The following KMT2C variants were observed in gnomAD, a reference collection of about 807,000 sequenced individuals.
KMT2C encodes histone-lysine N-methyltransferase 2C.
Under a neutral mutation model 507.9 loss-of-function variants are expected in KMT2C, and 88 were observed. The observed-to-expected ratio is 0.17, with a 90% CI of 0.15 to 0.21. The LOEUF is 0.21. KMT2C is among the 10% of genes least tolerant of loss of function. The pLI, the probability that KMT2C is intolerant of heterozygous loss-of-function variation, is 1.00. For missense variants in KMT2C, 4,954 were observed against 5,957.8 expected, an observed-to-expected ratio of 0.83 and a Z score of 5.55; for synonymous variants, 2,049 against 2,080.8, an observed-to-expected ratio of 0.98 and a Z score of 0.42.
chr7:152,226,146 C>T (rs2094922837), intron 18 of KMT2C, among the ~76,000 whole-genome samples: 1 of 150,814 alleles, frequency 6.6e-6, no homozygotes, highest in African/African-American at 2.4e-5. Flanking sequence ...AAAAAAAGAC[C>T]TGAAAAGATT....
At chr7:152,183,719 A>T (rs2093515029) in intron 34 of KMT2C, among the ~76,000 whole-genome samples, 1 of 152,112 alleles carries the variant, frequency 6.6e-6, no homozygotes, top group African/African-American at 2.4e-5. Flanking sequence ...CAACATGGAG[A>T]CACCCCATCT....
At chr7:152,403,715 TACACACACACACACACACACACAC>T (rs36191060) in intron 1 of KMT2C, among the ~76,000 whole-genome samples, 1 of 145,774 alleles carries the variant, frequency 6.9e-6, no homozygotes. Flanking sequence ...CTGGGACACA[TACACACACACACACACACACACAC>T]ACACACACAC....
chr7:152,144,350 G>A lies in KMT2C; in HGVS notation c.14343+363C>T, dbSNP rs2090901710. Among the ~76,000 whole-genome samples the A allele has an allele frequency of 6.6e-6, 1 of 152,176 alleles. No individual in the cohort carries two copies. Among genetic ancestry groups the A allele is most frequent in the African/African-American group, 2.4e-5 (1 of 41,448 alleles). ...AAAGATAAGGTAACTTCCAAAATTG[G>A]TGTACCTTTGGAAAATATTTTCATT... On this transcript the variant is annotated intron_variant, in intron 55 of 58. Transcript: ENST00000262189. This position sits in a 1 kb window ranked among gnomAD's most constrained non-coding sequence, Gnocchi z 4.4.
intron 1 of KMT2C, among the ~76,000 whole-genome samples, chr7:152,418,931 T>C (rs934009982): frequency 2.6e-5 from 4 of 151,154 alleles, no homozygotes; most frequent in Admixed American, 2.6e-4. Context: ...TGGTAGCTGA[T>C]GTCTATAATT....
At position 152,214,383 on chromosome 7, in the gene KMT2C, G is replaced by T. The variant is rs140557548; in HGVS notation, c.3712+6140C>A. 7.8e-3 allele frequency among the ~76,000 whole-genome samples: 1,185 copies of T among 152,272 alleles called. 13 individuals are homozygous for T. The highest frequency in any genetic ancestry group is 0.028 in the African/African-American group (1,144 of 41,552). Reference sequence around the variant, plus strand: ...TGAATGGATAAAGAAATTGTGACGTGTGTATACACATATATTAAGTCCTCC... The same window carrying T: ...TGAATGGATAAAGAAATTGTGACGTTTGTATACACATATATTAAGTCCTCC... On this transcript the variant is annotated intron_variant, in intron 23 of 58. Transcript: ENST00000262189.
intron 9 of KMT2C, among the ~76,000 whole-genome samples, chr7:152,254,730 T>C (rs1475783733): frequency 6.6e-6 from 1 of 151,936 alleles, no homozygotes; most frequent in Non-Finnish European, 1.5e-5. Context: ...AATGCAAGCA[T>C]TGAAACAAAT....
chr7:152,433,698 A>C lies in KMT2C; in HGVS notation c.161+1928T>G, dbSNP rs185025441. On this transcript the variant is annotated intron_variant, in intron 1 of 58. Coordinates refer to ENST00000262189, the MANE Select transcript of KMT2C (RefSeq NM_170606.3). ...TTAGATTATACTGTTATTCAGCAGA[A>C]ATTTTTTATCTTCTCCAAAGGCTGC... 7.8e-3 allele frequency among the ~76,000 whole-genome samples: 1,184 copies of C among 152,384 alleles called. 14 individuals are homozygous for C. The highest frequency in any genetic ancestry group is 0.027 in the African/African-American group (1,138 of 41,592).
rs776192339 is a variant in KMT2C, at chr7:152,182,348, G to A, written c.5512C>T (p.Pro1838Ser). The A allele has an allele frequency of 5.9e-5, 95 of 1,613,754 alleles. 1 individual carries two copies. The East Asian group carries it at 1.9e-3, about 32-fold the overall frequency. Residue 1838 changes from proline (P) to serine (S), a missense_variant, in exon 36 of 59, where the codon CCT becomes TCT. This residue lies in a region of KMT2C where 1,689 missense variants were observed against 1,654.3 expected (regional missense o/e 1.02). Transcript: ENST00000262189. ...ELFTKQPPST[P>S]TSTSSDDVFV... ...ACATCATCTGAAGATGTAGACGTAG[G>A]GGTACTGGGTGGCTGTTTTGTAAAC...
At chr7:152,151,307 G>T in intron 50 of KMT2C, 135 bp downstream of exon 50, 2 of 867,582 alleles carry the variant, frequency 2.3e-6, no homozygotes, top group African/African-American at 1.7e-5. Flanking sequence ...TCTGATATAC[G>T]CTGGTGCCAT....
chr7:152,250,939 C>T lies in KMT2C; in HGVS notation c.1649G>A (p.Gly550Asp), dbSNP rs752566770. 2 of 1,602,178 alleles carry T rather than the reference C, an allele frequency of 1.2e-6. No homozygotes were observed. The highest frequency in any genetic ancestry group is 1.7e-5 in the Admixed American group (1 of 59,942). Reference sequence around the variant, plus strand: ...TGAGAATACCATTTGATCTTCAGGGCCTTCAACTTCCATTTCATTGTTATA... The same window carrying T: ...TGAGAATACCATTTGATCTTCAGGGTCTTCAACTTCCATTTCATTGTTATA... ...TDYNNEMEVE[G>D]PEDQMVFSEQ... Residue 550 changes from glycine to aspartate, a missense_variant, in exon 12 of 59, where the codon GGC becomes GAC. This residue lies in a region of KMT2C where 376 missense variants were observed against 352.4 expected (regional missense o/e 1.07). Coordinates refer to ENST00000262189, the MANE Select transcript of KMT2C (RefSeq NM_170606.3).
At chr7:152,218,454 A>T (rs2094648617) in intron 23 of KMT2C, among the ~76,000 whole-genome samples, 1 of 152,040 alleles carries the variant, frequency 6.6e-6, no homozygotes, top group Non-Finnish European at 1.5e-5. Context: ...TATAGGCATG[A>T]GCCACCGAGC....
chr7:152,176,150 T>C, intron 38 of KMT2C, 41 bp downstream of exon 38: 2 of 1,516,438 alleles, frequency 1.3e-6, no homozygotes, highest in South Asian at 2.6e-5. Context: ...GCCACTCTAA[T>C]ACCCATAGTA....
intron 1 of KMT2C, among the ~76,000 whole-genome samples, chr7:152,394,326 G>A (rs113224022): frequency 1.8e-3 from 248 of 141,138 alleles, no homozygotes; most frequent in South Asian, 2.3e-3. Flanking sequence ...GGTCTACAAG[G>A]CCCTGCACAA....
chr7:152,197,141 G>T (rs2093986292), intron 27 of KMT2C, among the ~76,000 whole-genome samples: 1 of 152,148 alleles, frequency 6.6e-6, no homozygotes, highest in African/African-American at 2.4e-5. Context: ...CAGTCTGAGA[G>T]GTGAGGTGAT....
At position 152,152,902 on chromosome 7, in the gene KMT2C, G is replaced by A. The variant is rs2129097697; in HGVS notation, c.12329C>T (p.Pro4110Leu). ...AFSDLLHVRI[P>L]NSYEVSSAPD... ...AGCACTGCTAACCTCATAGCTGTTA[G>A]GGATTCGGACGTGAAGAAGGTCGGA... Residue 4110 changes from proline (P) to leucine (L), a missense_variant, in exon 49 of 59, where the codon CCT (proline) becomes CTT (leucine). Pro to Leu is a moderately conservative substitution (Grantham distance 98). Around this residue, in one of 29 missense-constraint regions of KMT2C, gnomAD observed 417 missense variants for 461.1 expected, o/e 0.90. Transcript: ENST00000262189. The A allele has an allele frequency of 6.2e-7, 1 of 1,614,166 alleles. No homozygotes were observed. Among genetic ancestry groups the A allele is most frequent in the Non-Finnish European group, 8.5e-7 (1 of 1,180,020 alleles).
At chr7:152,294,661 C>T (rs752968743) in intron 6 of KMT2C, among the ~76,000 whole-genome samples, 2 of 152,112 alleles carry the variant, frequency 1.3e-5, no homozygotes, top group African/African-American at 4.8e-5. Context: ...AAATAGAAGA[C>T]TCTATCTCTT....
intron 1 of KMT2C, among the ~76,000 whole-genome samples, chr7:152,418,710 G>A (rs767636622): frequency 3.3e-5 from 5 of 152,066 alleles, no homozygotes; most frequent in Admixed American, 1.3e-4. Flanking sequence ...GATTACAGTC[G>A]TGAGCGACAG....
At chr7:152,427,615 A>G (rs1369363269) in intron 1 of KMT2C, among the ~76,000 whole-genome samples, 1 of 152,086 alleles carries the variant, frequency 6.6e-6, no homozygotes, top group Non-Finnish European at 1.5e-5. Context: ...TTGTATGTAT[A>G]TGTTGTCCAT....
At chr7:152,263,195 C>T (rs2095808293) in intron 8 of KMT2C, 65 bp from the exon 9 acceptor site, 10 of 1,391,156 alleles carry the variant, frequency 7.2e-6, no homozygotes, top group Non-Finnish European at 9.1e-6. Context: ...CATAAGTAAT[C>T]ATGAAAATAA....
Sources: allele counts gnomAD v4.1 joint callset (sites outside exome capture counted in the v4.1 genomes callset), GRCh38; gene constraint gnomAD v4.1.1; regional missense constraint gnomAD v4.1.1; non-coding constraint Gnocchi (gnomAD v3.1); transcripts MANE v1.5; gene names NCBI Gene and HGNC (gene_info 2026-07-23, HGNC 2026-07-21).